Variants in FHIP1A observed in about 807,000 individuals in gnomAD.
FHIP1A encodes the protein FHF complex subunit HOOK-interacting protein 1A.
Under a neutral mutation model 88.6 loss-of-function variants are expected in FHIP1A, and 61 were observed. The ratio of observed to expected loss-of-function variants is 0.69; its 90% confidence interval spans 0.56 to 0.85. The LOEUF is 0.85. FHIP1A is among the 40% of genes least tolerant of loss of function. The probability of loss-of-function intolerance (pLI) is 0.00; values close to 1 mark genes in which losing one functional copy is unlikely to be tolerated. For synonymous variants in FHIP1A, 478 were observed against 496.0 expected, an observed-to-expected ratio of 0.96 and a Z score of 0.48; for missense variants, 1,154 against 1,273.5, an observed-to-expected ratio of 0.91 and a Z score of 1.43.
intron 3 of FHIP1A, among the ~76,000 whole-genome samples, chr4:151,531,847 G>A (rs1731888376): frequency 1.3e-5 from 2 of 152,188 alleles, no homozygotes; most frequent in South Asian, 2.1e-4. Flanking sequence ...CAAGGACAGA[G>A]CCTAAGTCAG....
At chr4:151,531,193 G>C (rs761212008) in intron 3 of FHIP1A, among the ~76,000 whole-genome samples, 1 of 151,908 alleles carries the variant, frequency 6.6e-6, no homozygotes, top group Non-Finnish European at 1.5e-5. Flanking sequence ...ATAGGGTGAA[G>C]TGTGATTTTT....
At chr4:151,456,060 C>T (rs1380990947) in intron 2 of FHIP1A, among the ~76,000 whole-genome samples, 1 of 152,052 alleles carries the variant, frequency 6.6e-6, no homozygotes, top group Non-Finnish European at 1.5e-5. Flanking sequence ...TCTTAACATA[C>T]ATCATCTATG....
chr4:151,567,152 C>T (rs891548498), intron 4 of FHIP1A, among the ~76,000 whole-genome samples: 17 of 152,032 alleles, frequency 1.1e-4, no homozygotes, highest in South Asian at 6.2e-4. Flanking sequence ...TTTACTATTC[C>T]GCCCCTTTCC....
chr4:151,531,673 A>G (rs1054776944), intron 3 of FHIP1A, among the ~76,000 whole-genome samples: 1 of 152,218 alleles, frequency 6.6e-6, no homozygotes, highest in Non-Finnish European at 1.5e-5. Flanking sequence ...GAGAACTGAA[A>G]GAGACTGTTG....
At chr4:151,655,170 G>A (rs1416593234) in intron 11 of FHIP1A, among the ~76,000 whole-genome samples, 2 of 152,208 alleles carry the variant, frequency 1.3e-5, no homozygotes, top group Non-Finnish European at 2.9e-5. Context: ...TATATATCAA[G>A]GGATGTGTGC....
chr4:151,622,239 G>T (rs1354987778), intron 7 of FHIP1A, among the ~76,000 whole-genome samples: 1 of 152,156 alleles, frequency 6.6e-6, no homozygotes, highest in Non-Finnish European at 1.5e-5. Flanking sequence ...TTGAGTTTTG[G>T]GGGGACAGCA....
chr4:151,500,592 G>T (rs1730616892), intron 3 of FHIP1A, among the ~76,000 whole-genome samples: 3 of 151,970 alleles, frequency 2.0e-5, no homozygotes, highest in African/African-American at 7.3e-5. Context: ...TACCTCATAG[G>T]GTTGTTGTGA....
chr4:151,564,507 C>G (rs953318322), intron 3 of FHIP1A, among the ~76,000 whole-genome samples: 2 of 152,020 alleles, frequency 1.3e-5, no homozygotes, highest in Admixed American at 1.3e-4. Context: ...ACTGTGGGGA[C>G]GGGAGAATGC....
At chr4:151,501,664 A>G (rs1201122589) in intron 3 of FHIP1A, among the ~76,000 whole-genome samples, 2 of 151,842 alleles carry the variant, frequency 1.3e-5, no homozygotes, top group East Asian at 1.9e-4. Context: ...TATTTCTTTG[A>G]TAATCAAAGA....
At chr4:151,633,160 A>G (rs1736220268) in intron 8 of FHIP1A, among the ~76,000 whole-genome samples, 1 of 151,896 alleles carries the variant, frequency 6.6e-6, no homozygotes, top group African/African-American at 2.4e-5. Flanking sequence ...GAAATAAAAA[A>G]GAGCATACCA....
chr4:151,617,256 A>G (rs879262731), intron 7 of FHIP1A, among the ~76,000 whole-genome samples: 2 of 152,128 alleles, frequency 1.3e-5, no homozygotes, highest in Non-Finnish European at 2.9e-5. Context: ...TTACTGTATC[A>G]TGTCTGCATA....
intron 1 of FHIP1A, among the ~76,000 whole-genome samples, chr4:151,435,191 T>G (rs890752195): frequency 2.0e-5 from 3 of 152,046 alleles, no homozygotes; most frequent in Non-Finnish European, 4.4e-5. Flanking sequence ...GTCACCTTAC[T>G]GTGCTGTGGA....
rs1412470383 is a variant in FHIP1A, at chr4:151,498,575, G to A, written c.-123+15927G>A. On this transcript the variant is annotated intron_variant, in intron 3 of 13. Coordinates refer to ENST00000435205, the MANE Select transcript of FHIP1A (RefSeq NM_001109977.3). Reference sequence around the variant, plus strand: ...TCACGCCTGTAATCCTAGCACTTTGGGAGGCCGAGGTGGGCGGATCACGAG... The same window carrying A: ...TCACGCCTGTAATCCTAGCACTTTGAGAGGCCGAGGTGGGCGGATCACGAG... Among the ~76,000 whole-genome samples the A allele has an allele frequency of 2.0e-5, 3 of 152,236 alleles. No homozygotes were observed. The East Asian group carries it at 5.8e-4, about 29-fold the overall frequency.
chr4:151,504,967 C>T (rs1368680612), intron 3 of FHIP1A, among the ~76,000 whole-genome samples: 1 of 152,150 alleles, frequency 6.6e-6, no homozygotes, highest in Non-Finnish European at 1.5e-5. Context: ...CAGGACTCTA[C>T]TATCAGAGAA....
rs562963324 is a variant in FHIP1A, at chr4:151,550,974, C to T, written c.-122-15164C>T. ...GAATTGGGGATGGGGGCAACATCCT[C>T]CTTTAGTCATGGATATGAACTGCCC... On this transcript the variant is annotated intron_variant, in intron 3 of 13. Coordinates refer to ENST00000435205, the MANE Select transcript of FHIP1A (RefSeq NM_001109977.3). 7.9e-5 allele frequency among the ~76,000 whole-genome samples: 12 copies of T among 152,290 alleles called. No homozygotes were observed. The East Asian group carries it at 2.1e-3, about 27-fold the overall frequency.
At chr4:151,629,920 G>C (rs985526785) in intron 8 of FHIP1A, 51 bp downstream of exon 8, 6 of 1,418,560 alleles carry the variant, frequency 4.2e-6, no homozygotes, top group Non-Finnish European at 5.7e-6. Context: ...CAGATTTCAG[G>C]AGAGTTTTTT....
intron 3 of FHIP1A, among the ~76,000 whole-genome samples, chr4:151,502,174 GAAAAGAAAAAA>G (rs1730677022): frequency 8.6e-6 from 1 of 116,180 alleles, no homozygotes; most frequent in Admixed American, 8.5e-5. Context: ...AAAAAAAAAA[GAAAAGAAAAAA>G]TTAGCCAGGT....
At chr4:151,442,833 G>A (rs1728460677) in intron 1 of FHIP1A, among the ~76,000 whole-genome samples, 1 of 152,098 alleles carries the variant, frequency 6.6e-6, no homozygotes, top group Non-Finnish European at 1.5e-5. Flanking sequence ...TATATACTTT[G>A]AGAGATTTCC....
At chr4:151,557,234 A>G (rs1232559798) in intron 3 of FHIP1A, among the ~76,000 whole-genome samples, 1 of 152,162 alleles carries the variant, frequency 6.6e-6, no homozygotes, top group Non-Finnish European at 1.5e-5. Flanking sequence ...AACTCCTTTG[A>G]TTTTAGAAGT....
Sources: gnomAD v4.1 joint callset for allele counts (sites outside exome capture counted in the v4.1 genomes callset) on GRCh38, gnomAD v4.1.1 for gene constraint, MANE v1.5 for transcripts, NCBI Gene and HGNC (gene_info 2026-07-23, HGNC 2026-07-21) for gene names.